Variants in SPAST observed in about 807,000 individuals in gnomAD.
SPAST encodes spastin.
SPAST carries 30 observed loss-of-function variants against 76.6 expected under a neutral mutation model. The observed-to-expected ratio is 0.39, with a 90% confidence interval of 0.29 to 0.53. The LOEUF (loss-of-function observed/expected upper bound fraction) is 0.53, where lower values mean the gene tolerates loss of function less well. Ranked by LOEUF, SPAST falls within the 20% of genes least tolerant of loss-of-function variation. The pLI, the probability that SPAST is intolerant of heterozygous loss-of-function variation, is 0.68. For missense variants in SPAST, 717 were observed against 770.5 expected (o/e 0.93, Z 0.82); for synonymous variants, 305 against 281.0 (o/e 1.09, Z -0.86).
chr2:32,072,179 A>G (rs1477676114), intron 1 of SPAST, among the ~76,000 whole-genome samples: 1 of 151,314 alleles, frequency 6.6e-6, no homozygotes, highest in African/African-American at 2.4e-5. Context: ...AGTAGCTGGG[A>G]CTACAGGCGC....
chr2:32,100,569 T>C (rs1006354621), intron 4 of SPAST, among the ~76,000 whole-genome samples: 1 of 152,246 alleles, frequency 6.6e-6, no homozygotes, highest in African/African-American at 2.4e-5. Flanking sequence ...CATTAACTTG[T>C]CATTTACATT....
At chr2:32,134,857 G>A (rs1231978939) in intron 9 of SPAST, among the ~76,000 whole-genome samples, 4 of 151,622 alleles carry the variant, frequency 2.6e-5, no homozygotes, top group Admixed American at 6.6e-5. Context: ...CACCACGCCC[G>A]GCTAATTTTT....
chr2:32,114,798 A>G lies in SPAST; in HGVS notation c.843A>G (p.Gly281=). 1 of 1,614,132 alleles carries G rather than the reference A, an allele frequency of 6.2e-7. No homozygotes were observed. The highest frequency in any genetic ancestry group is 8.5e-7 in the Non-Finnish European group (1 of 1,179,998). ...GLSMVSGVKQ[G]SGPAPTTHKG... ...CCATGGTTTCTGGAGTGAAACAGGG[A>G]TCTGGTCCTGCTCCTACCACTCATA... is the stretch of plus-strand genomic sequence containing the variant. The change falls in exon 5 of 17, where the codon GGA becomes GGG. Residue 281 remains glycine (G), a synonymous_variant. Transcript: ENST00000315285.
intron 3 of SPAST, among the ~76,000 whole-genome samples, chr2:32,093,548 A>T (rs1677805041): frequency 6.6e-6 from 1 of 151,914 alleles, no homozygotes; most frequent in African/African-American, 2.4e-5. Flanking sequence ...TGTTTCACTT[A>T]TTTTTTTCCC....
chr2:32,079,223 A>T (rs1677098714), intron 1 of SPAST, among the ~76,000 whole-genome samples: 1 of 152,112 alleles, frequency 6.6e-6, no homozygotes, highest in African/African-American at 2.4e-5. Flanking sequence ...ACTGATTAGA[A>T]CTGTGTTTTT....
At chr2:32,084,144 T>G (rs563350724) in intron 1 of SPAST, among the ~76,000 whole-genome samples, 1 of 151,778 alleles carries the variant, frequency 6.6e-6, no homozygotes, top group African/African-American at 2.4e-5. Context: ...TGACAAACTA[T>G]GACTCAATAG....
Position 32,126,972 on chromosome 2 carries a change from G to A in SPAST, c.1123G>A (p.Ala375Thr). 1 of 1,612,760 alleles carries A rather than the reference G, an allele frequency of 6.2e-7. No individual in the cohort carries two copies. Among genetic ancestry groups the A allele is most frequent in the Non-Finnish European group, 8.5e-7 (1 of 1,178,792 alleles). Residue 375 changes from alanine (A) to threonine (T), a missense_variant, in exon 8 of 17, where the codon GCC (alanine) becomes ACC (threonine). Around this residue, in one of 3 missense-constraint regions of SPAST, gnomAD observed 78 missense variants for 197.6 expected, o/e 0.39. Coordinates refer to ENST00000315285, the MANE Select transcript of SPAST (RefSeq NM_014946.4). Reference protein sequence around the residue: ...PELFTGLRAPARGLLLFGPPG... With the variant: ...PELFTGLRAPTRGLLLFGPPG... Reference sequence around the variant, plus strand: ...GTTGTTCACAGGGCTTAGAGCTCCTGCCAGAGGGCTGTTACTCTTTGGTCC... The same window carrying A: ...GTTGTTCACAGGGCTTAGAGCTCCTACCAGAGGGCTGTTACTCTTTGGTCC...
chr2:32,154,320 A>G, intron 16 of SPAST, 54 bp from the exon 17 acceptor site: 2 of 1,523,770 alleles, frequency 1.3e-6, no homozygotes, highest in African/African-American at 1.4e-5. Flanking sequence ...CATTTCGTTA[A>G]CCACCATATA....
At chr2:32,098,754 TTTTG>T (rs771753566) in intron 3 of SPAST, 38 bp from the exon 4 acceptor site, 20 of 1,282,760 alleles carry the variant, frequency 1.6e-5, no homozygotes, top group African/African-American at 4.4e-5. Context: ...TCTTTTTTCT[TTTTG>T]TTTATTTTTT....
intron 2 of SPAST, 45 bp downstream of exon 2, chr2:32,087,623 C>G: frequency 1.2e-6 from 1 of 865,406 alleles, no homozygotes. Flanking sequence ...ATGATATATT[C>G]ACATGATTGT....
intron 1 of SPAST, among the ~76,000 whole-genome samples, chr2:32,081,030 C>T (rs1228120550): frequency 1.3e-5 from 2 of 151,924 alleles, no homozygotes; most frequent in African/African-American, 4.8e-5. Flanking sequence ...ACGATCTTGG[C>T]TCACCGCAGC....
chr2:32,153,829 C>G (rs1258134419), intron 16 of SPAST, among the ~76,000 whole-genome samples: 2 of 151,990 alleles, frequency 1.3e-5, no homozygotes, highest in Admixed American at 1.3e-4. Flanking sequence ...GTAATCCCAG[C>G]ACTTTGGGAG....
At position 32,157,178 on chromosome 2, in the gene SPAST, A is replaced by C. The variant is rs540594441; in HGVS notation, c.*2682A>C. On this transcript the variant is annotated 3_prime_UTR_variant, in exon 17 of 17. Transcript: ENST00000315285. ...TAAGCATTAGTGTGCTCTTCATGTTAATATGGCAGAGTTTTGTAAACTAAA... is the reference window on the plus strand; with the variant it reads ...TAAGCATTAGTGTGCTCTTCATGTTCATATGGCAGAGTTTTGTAAACTAAA... 9.8e-5 allele frequency: 15 copies of C among 152,766 alleles called. No homozygotes were observed. Among genetic ancestry groups the C allele is most frequent in the Admixed American group, 9.8e-4 (15 of 15,300 alleles). 9.5% of individuals were successfully genotyped at this position (152,766 alleles called of 1,614,324 possible). A position where few individuals can be genotyped will look rare whatever the true frequency, so the allele number is the denominator to read the frequency against.
chr2:32,092,965 C>T (rs1159467994), intron 3 of SPAST, among the ~76,000 whole-genome samples: 1 of 150,954 alleles, frequency 6.6e-6, no homozygotes, highest in African/African-American at 2.4e-5. Context: ...CAAGATGGCA[C>T]CACTGCACTC....
At chr2:32,122,798 A>C (rs1291909256) in intron 7 of SPAST, among the ~76,000 whole-genome samples, 1 of 151,988 alleles carries the variant, frequency 6.6e-6, no homozygotes, top group African/African-American at 2.4e-5. Context: ...AAATAGATGA[A>C]TATCTTTGTT....
In SPAST at chr2:32,075,939, C is replaced by T. The variant is rs559594320; in HGVS notation, c.416-11553C>T. Reference sequence around the variant, plus strand: ...TTTTTGAGACAGAGTCTCGCTCTGTCGCCCAGGCTGAAGTGCAGTGGTGTG... The same window carrying T: ...TTTTTGAGACAGAGTCTCGCTCTGTTGCCCAGGCTGAAGTGCAGTGGTGTG... On this transcript the variant is annotated intron_variant, in intron 1 of 16. Coordinates refer to ENST00000315285, the MANE Select transcript of SPAST (RefSeq NM_014946.4). 4.9e-4 allele frequency among the ~76,000 whole-genome samples: 58 copies of T among 118,952 alleles called. 1 individual carries two copies. Among genetic ancestry groups the T allele is most frequent in the Non-Finnish European group, 7.1e-4 (44 of 62,286 alleles). 78.0% of individuals were successfully genotyped at this position (118,952 alleles called of 152,430 possible). A position where few individuals can be genotyped will look rare whatever the true frequency, so the allele number is the denominator to read the frequency against.
In SPAST at chr2:32,113,393, A is replaced by G. The variant is rs550222299; in HGVS notation, c.683-1245A>G. Among the ~76,000 whole-genome samples the G allele has an allele frequency of 1.6e-4, 24 of 151,274 alleles. No homozygotes were observed. The South Asian group carries it at 4.6e-3, about 29-fold the overall frequency. Reference sequence around the variant, plus strand: ...AGCTACTGCACCCGGCCTAAAATTGATTAGTTTTTAAGACCCTCTTGGTGG... The same window carrying G: ...AGCTACTGCACCCGGCCTAAAATTGGTTAGTTTTTAAGACCCTCTTGGTGG... On this transcript the variant is annotated intron_variant, in intron 4 of 16. Transcript: ENST00000315285.
At chr2:32,080,988 C>T (rs1156853895) in intron 1 of SPAST, among the ~76,000 whole-genome samples, 10 of 149,378 alleles carry the variant, frequency 6.7e-5, no homozygotes, top group East Asian at 4.0e-4. Flanking sequence ...GACAGAGTTT[C>T]GCTCTTGTCA....
chr2:32,098,693 T>A, intron 3 of SPAST, 103 bp from the exon 4 acceptor site: 1 of 753,532 alleles, frequency 1.3e-6, no homozygotes, highest in Non-Finnish European at 2.3e-6. Flanking sequence ...AACAATCTGG[T>A]AACACCTTGA....
Sources: gnomAD v4.1 joint callset for allele counts (sites outside exome capture counted in the v4.1 genomes callset) on GRCh38, gnomAD v4.1.1 for gene constraint, gnomAD v4.1.1 regional missense constraint, MANE v1.5 for transcripts, NCBI Gene and HGNC (gene_info 2026-07-23, HGNC 2026-07-21) for gene names.